OSBPL8: variants seen among roughly 807,000 people sequenced by gnomAD.
OSBPL8 encodes oxysterol binding protein like 8.
Under a neutral mutation model 125.5 loss-of-function variants are expected in OSBPL8, and 59 were observed. That is an observed-to-expected ratio of 0.47 (90% CI 0.38 to 0.58). The LOEUF (loss-of-function observed/expected upper bound fraction) is 0.58. OSBPL8 is among the 20% of genes least tolerant of loss of function. The pLI, the probability that OSBPL8 is intolerant of heterozygous loss-of-function variation, is 0.00. For missense variants in OSBPL8, 758 were observed against 1,047.8 expected, an observed-to-expected ratio of 0.72 and a Z score of 3.82; for synonymous variants, 330 against 338.9, an observed-to-expected ratio of 0.97 and a Z score of 0.29.
chr12:76,371,631 A>G (rs1448741628), intron 18 of OSBPL8, 47 bp from the exon 19 acceptor site: 1 of 1,456,110 alleles, frequency 6.9e-7, no homozygotes, highest in East Asian at 2.5e-5. Context: ...TATACTTAGA[A>G]GGCAATTATA....
At chr12:76,370,450 C>A (rs1764062141) in intron 19 of OSBPL8, among the ~76,000 whole-genome samples, 1 of 152,096 alleles carries the variant, frequency 6.6e-6, no homozygotes, top group Admixed American at 6.6e-5. Context: ...TATATCCTAC[C>A]CATCTAGAAA....
chr12:76,400,676 C>T (rs940753716), intron 6 of OSBPL8, among the ~76,000 whole-genome samples: 5 of 149,988 alleles, frequency 3.3e-5, no homozygotes, highest in African/African-American at 9.8e-5. Context: ...CAGAATCTTA[C>T]AATAAAAATA....
chr12:76,544,487 T>C (rs371168756), intron 1 of OSBPL8, among the ~76,000 whole-genome samples: 18 of 152,298 alleles, frequency 1.2e-4, no homozygotes, highest in African/African-American at 3.8e-4. Context: ...TAAGGTAACT[T>C]TGAACACACT....
At chr12:76,366,800 GT>G (rs1268993467) in intron 21 of OSBPL8, among the ~76,000 whole-genome samples, 1 of 150,422 alleles carries the variant, frequency 6.6e-6, no homozygotes, top group African/African-American at 2.4e-5. Context: ...GTTTTGTTTT[GT>G]TTTGTTTGTT....
intron 1 of OSBPL8, among the ~76,000 whole-genome samples, chr12:76,490,394 A>T (rs1030063717): frequency 1.3e-5 from 2 of 152,212 alleles, no homozygotes; most frequent in African/African-American, 4.8e-5. Flanking sequence ...CTATGCCTAT[A>T]AAGACCCCAG....
intron 1 of OSBPL8, among the ~76,000 whole-genome samples, chr12:76,517,269 G>T (rs1315580612): frequency 6.6e-6 from 1 of 152,062 alleles, no homozygotes; most frequent in Admixed American, 6.5e-5. Context: ...ACAAGAGGTG[G>T]GGGGTGTGGA....
At chr12:76,422,706 T>C in intron 4 of OSBPL8, 1 of 432,786 alleles carries the variant, frequency 2.3e-6, no homozygotes, top group Non-Finnish European at 4.7e-6. Context: ...ATTAGACCAA[T>C]ATGGCAAAGA....
chr12:76,464,226 T>A (rs1224359660), intron 2 of OSBPL8, among the ~76,000 whole-genome samples: 1 of 152,122 alleles, frequency 6.6e-6, no homozygotes, highest in African/African-American at 2.4e-5. Flanking sequence ...CCACGATCCA[T>A]GATCGCACCT....
chr12:76,475,275 G>C (rs945412231), intron 2 of OSBPL8, among the ~76,000 whole-genome samples: 18 of 152,206 alleles, frequency 1.2e-4, no homozygotes, highest in African/African-American at 4.1e-4. Context: ...AAGAGCAAAT[G>C]ACAATACTTT....
chr12:76,477,911 A>C (rs1877006519), intron 2 of OSBPL8, among the ~76,000 whole-genome samples: 1 of 152,128 alleles, frequency 6.6e-6, no homozygotes, highest in Admixed American at 6.5e-5. Context: ...ATTGAAAACA[A>C]AAGAATTCAT....
At chr12:76,511,856 G>T (rs1881032546) in intron 1 of OSBPL8, among the ~76,000 whole-genome samples, 1 of 152,156 alleles carries the variant, frequency 6.6e-6, no homozygotes, top group African/African-American at 2.4e-5. Context: ...ATAGTTTTCG[G>T]TTTTACATTT....
At chr12:76,467,207 G>A (rs1264215205) in intron 2 of OSBPL8, among the ~76,000 whole-genome samples, 1 of 151,812 alleles carries the variant, frequency 6.6e-6, no homozygotes, top group African/African-American at 2.4e-5. Context: ...CTATTTTCCT[G>A]CCTCCACACA....
chr12:76,410,499 G>A, intron 5 of OSBPL8, 65 bp downstream of exon 5: 2 of 1,186,424 alleles, frequency 1.7e-6, no homozygotes, highest in South Asian at 1.3e-5. Flanking sequence ...GGATTTCAGT[G>A]TTAGTTCCCT....
intron 1 of OSBPL8, among the ~76,000 whole-genome samples, chr12:76,527,793 T>C (rs1466090842): frequency 6.6e-6 from 1 of 152,218 alleles, no homozygotes; most frequent in Non-Finnish European, 1.5e-5. Context: ...ACAGCAAGAA[T>C]GCCTGCCTTT....
chr12:76,531,933 C>T (rs978973810), intron 1 of OSBPL8, among the ~76,000 whole-genome samples: 4 of 147,532 alleles, frequency 2.7e-5, no homozygotes, highest in South Asian at 2.2e-4. Flanking sequence ...GCTACTCAGG[C>T]GGCTGAGGCA....
chr12:76,489,794 C>T (rs1878521876), intron 1 of OSBPL8, among the ~76,000 whole-genome samples: 1 of 152,208 alleles, frequency 6.6e-6, no homozygotes, highest in Non-Finnish European at 1.5e-5. Context: ...TTAAGAAATA[C>T]ATTCAGTAAG....
intron 4 of OSBPL8, among the ~76,000 whole-genome samples, chr12:76,435,813 A>G (rs1871379147): frequency 6.6e-6 from 1 of 152,296 alleles, no homozygotes; most frequent in South Asian, 2.1e-4. Context: ...CTTCCTTTAC[A>G]TATAAGGGCA....
Position 76,378,473 on chromosome 12 carries a change from T to C in OSBPL8, c.1708A>G (p.Met570Val), listed in dbSNP as rs1952913032. Residue 570 changes from methionine to valine, a missense_variant, in exon 16 of 24, where the codon ATG becomes GTG. This residue lies in a region of OSBPL8 where 572 missense variants were observed against 762.0 expected (regional missense o/e 0.75). Coordinates refer to ENST00000261183, the MANE Select transcript of OSBPL8 (RefSeq NM_020841.5). The part of the protein sequence containing the change: ...LNRGEDYVMT[M>V]PYAHCKGILY... ...TTACCTTTACAATGAGCGTATGGCA[T>C]TGTCATTACATAATCTTCACCTCTA... The C allele has an allele frequency of 1.3e-6, 2 of 1,596,700 alleles. No homozygotes were observed. The highest frequency in any genetic ancestry group is 1.1e-5 in the South Asian group (1 of 89,940).
chr12:76,524,243 T>C (rs1371086587), intron 1 of OSBPL8, among the ~76,000 whole-genome samples: 3 of 152,162 alleles, frequency 2.0e-5, no homozygotes, highest in Non-Finnish European at 4.4e-5. Flanking sequence ...AAACTGTCTA[T>C]GAAAGCAATA....
Sources: gnomAD v4.1 joint callset for allele counts (sites outside exome capture counted in the v4.1 genomes callset) on GRCh38, gnomAD v4.1.1 for gene constraint, gnomAD v4.1.1 regional missense constraint, MANE v1.5 for transcripts, NCBI Gene and HGNC (gene_info 2026-07-23, HGNC 2026-07-21) for gene names.